Variants in RALGAPA1 observed in about 807,000 individuals in gnomAD.
The protein encoded by RALGAPA1 is ral GTPase-activating protein subunit alpha-1.
RALGAPA1 carries 52 observed loss-of-function variants against 269.6 expected under a neutral mutation model. The observed-to-expected ratio is 0.19, with a 90% CI of 0.15 to 0.24. The LOEUF (loss-of-function observed/expected upper bound fraction) is 0.24, where lower values mean the gene tolerates loss of function less well. Ranked by LOEUF, RALGAPA1 falls within the 10% of genes least tolerant of loss-of-function variation. The pLI, the probability that RALGAPA1 is intolerant of heterozygous loss-of-function variation, is 1.00. For missense variants in RALGAPA1, 1,917 were observed against 3,013.9 expected (o/e 0.64, Z 8.52); for synonymous variants, 817 against 1,008.3 (o/e 0.81, Z 3.60).
chr14:35,693,228 A>G (rs1439140526), intron 17 of RALGAPA1, among the ~76,000 whole-genome samples: 1 of 151,914 alleles, frequency 6.6e-6, no homozygotes, highest in African/African-American at 2.4e-5. Flanking sequence ...CAATATAAAC[A>G]AAAAAGAATT....
chr14:35,795,744 G>A lies in RALGAPA1; in HGVS notation c.106+12986C>T, dbSNP rs141506895. 5.1e-4 allele frequency among the ~76,000 whole-genome samples: 77 copies of A among 151,866 alleles called. 1 individual carries two copies. Among genetic ancestry groups the A allele is most frequent in the Non-Finnish European group, 9.3e-4 (63 of 67,972 alleles). On this transcript the variant is annotated intron_variant, in intron 1 of 41. Coordinates refer to ENST00000680220, the MANE Select transcript of RALGAPA1 (RefSeq NM_001346249.2). ...AATCCCAGCACTTTGGGAGGCCAAGGTGGGCAGATCACTTGAGACCAGGAG... is the reference window on the plus strand; with the variant it reads ...AATCCCAGCACTTTGGGAGGCCAAGATGGGCAGATCACTTGAGACCAGGAG...
At chr14:35,801,238 T>TACACACAC (rs1241093752) in intron 1 of RALGAPA1, among the ~76,000 whole-genome samples, 1 of 131,902 alleles carries the variant, frequency 7.6e-6, no homozygotes, top group African/African-American at 3.2e-5. Flanking sequence ...TATATATATA[T>TACACACAC]ACACAGACAC....
chr14:35,780,604 C>T (rs1191122956), intron 1 of RALGAPA1, among the ~76,000 whole-genome samples: 1 of 152,080 alleles, frequency 6.6e-6, no homozygotes, highest in East Asian at 1.9e-4. Context: ...TAGCAATACA[C>T]AACTAAATAA....
intron 26 of RALGAPA1, among the ~76,000 whole-genome samples, chr14:35,667,750 T>C (rs190193182): frequency 2.7e-4 from 41 of 152,088 alleles, no homozygotes; most frequent in Middle Eastern, 3.4e-3. Context: ...AGTAAGGAGG[T>C]TCCTCGAAAA....
At chr14:35,786,238 G>T (rs765907185) in intron 1 of RALGAPA1, among the ~76,000 whole-genome samples, 10 of 152,266 alleles carry the variant, frequency 6.6e-5, no homozygotes, top group Non-Finnish European at 1.2e-4. Context: ...GGTGCTGGAG[G>T]TAAGAAATAT....
intron 39 of RALGAPA1, among the ~76,000 whole-genome samples, chr14:35,561,251 A>AAAAAAAAAAAAAT (rs1555356922): frequency 7.7e-6 from 1 of 130,266 alleles, no homozygotes; most frequent in African/African-American, 3.4e-5. Flanking sequence ...AAAAAAAAAA[A>AAAAAAAAAAAAAT]ATACAGTAAC....
chr14:35,660,495 G>A (rs1221736632), intron 27 of RALGAPA1, among the ~76,000 whole-genome samples: 1 of 151,942 alleles, frequency 6.6e-6, no homozygotes, highest in East Asian at 1.9e-4. Flanking sequence ...ACTGAGGAAA[G>A]AAACAGAAAA....
intron 1 of RALGAPA1, among the ~76,000 whole-genome samples, chr14:35,779,833 T>A (rs1391290012): frequency 6.6e-6 from 1 of 152,074 alleles, no homozygotes; most frequent in Non-Finnish European, 1.5e-5. Flanking sequence ...ATAAAAATGA[T>A]CAAAATTAGG....
chr14:35,678,068 C>T lies in RALGAPA1; in HGVS notation c.4506G>A (p.Leu1502=). ...SESASPVHSP[L]GSRSQTPSPS... ...GGGAAGGAGTCTGTGACCTGGAGCC[C>T]AGAGGTGAGTGGACTGGGGAAGCAC... The change falls in exon 22 of 42, where the codon CTG becomes CTA. Residue 1502 remains leucine (L), a synonymous_variant. Transcript: ENST00000680220. 6.2e-7 allele frequency: 1 copy of T among 1,608,974 alleles called. No individual in the cohort carries two copies. The highest frequency in any genetic ancestry group is 8.5e-7 in the Non-Finnish European group (1 of 1,178,898).
At chr14:35,780,076 C>T (rs1405777767) in intron 1 of RALGAPA1, among the ~76,000 whole-genome samples, 1 of 150,510 alleles carries the variant, frequency 6.6e-6, no homozygotes, top group East Asian at 2.0e-4. Flanking sequence ...CACTGCACTC[C>T]AGCCTGGGTA....
chr14:35,554,887 T>C (rs890282905), intron 39 of RALGAPA1, among the ~76,000 whole-genome samples: 2 of 152,204 alleles, frequency 1.3e-5, no homozygotes, highest in South Asian at 2.1e-4. Flanking sequence ...TAGTATTCAA[T>C]GACTGTTTAC....
intron 31 of RALGAPA1, 90 bp from the exon 32 acceptor site, chr14:35,635,688 T>G: frequency 1.6e-6 from 2 of 1,230,014 alleles, no homozygotes; most frequent in Non-Finnish European, 2.1e-6. Flanking sequence ...TTTCCAAAAT[T>G]TGTTTCTGGA....
intron 4 of RALGAPA1, chr14:35,766,383 G>A: frequency 6.7e-7 from 1 of 1,503,086 alleles, no homozygotes; most frequent in Non-Finnish European, 9.2e-7. Context: ...TATTCCAGAG[G>A]AATATCTTGT....
At chr14:35,708,174 G>A (rs1340295967) in intron 16 of RALGAPA1, among the ~76,000 whole-genome samples, 2 of 152,048 alleles carry the variant, frequency 1.3e-5, no homozygotes, top group East Asian at 3.9e-4. Flanking sequence ...AAAACTTTGG[G>A]GAAACTCTCC....
intron 39 of RALGAPA1, among the ~76,000 whole-genome samples, chr14:35,555,389 T>C (rs1212384699): frequency 6.6e-6 from 1 of 151,998 alleles, no homozygotes; most frequent in African/African-American, 2.4e-5. Flanking sequence ...TGGCCATTTA[T>C]AGAGAAGGGA....
chr14:35,704,442 T>C (rs2140700064), intron 16 of RALGAPA1, among the ~76,000 whole-genome samples: 1 of 152,294 alleles, frequency 6.6e-6, no homozygotes, highest in Middle Eastern at 3.4e-3. Flanking sequence ...GCTTAATATC[T>C]TTTAAATGCA....
At chr14:35,552,719 C>CA (rs34917498) in intron 39 of RALGAPA1, among the ~76,000 whole-genome samples, 3,813 of 117,010 alleles carry the variant, frequency 0.033, 60 homozygotes, top group Middle Eastern at 0.07. Flanking sequence ...ACTAGCCAAT[C>CA]AAAAAAAAAA....
intron 10 of RALGAPA1, among the ~76,000 whole-genome samples, chr14:35,744,409 A>AT (rs199815472): frequency 0.022 from 3,257 of 151,000 alleles, 121 homozygotes; most frequent in African/African-American, 0.074. Context: ...TTTACTTTTT[A>AT]TTTTTTTATG....
At chr14:35,609,127 TGA>T (rs1448832983) in intron 35 of RALGAPA1, among the ~76,000 whole-genome samples, 1 of 151,630 alleles carries the variant, frequency 6.6e-6, no homozygotes, top group Non-Finnish European at 1.5e-5. Context: ...CTTGGGAGGC[TGA>T]GGCAGGAGAA....
Sources: allele counts gnomAD v4.1 joint callset (sites outside exome capture counted in the v4.1 genomes callset), GRCh38; gene constraint gnomAD v4.1.1; transcripts MANE v1.5; gene names NCBI Gene and HGNC (gene_info 2026-07-23, HGNC 2026-07-21).